The following RGS6 variants were observed in gnomAD, a reference collection of about 807,000 sequenced individuals.
RGS6 encodes regulator of G-protein signaling 6.
In RGS6, 30 loss-of-function variants were observed where a neutral mutation model predicts 78.5. The observed-to-expected ratio is 0.38, with a 90% CI of 0.29 to 0.52. The LOEUF (loss-of-function observed/expected upper bound fraction) is 0.52. Among genes scored for constraint, RGS6 ranks in the 20% least tolerant of loss-of-function variants. The pLI is 0.85. For synonymous variants in RGS6, 206 were observed against 206.0 expected, an observed-to-expected ratio of 1.00 and a Z score of 0.00; for missense variants, 495 against 609.7, an observed-to-expected ratio of 0.81 and a Z score of 1.98.
intron 16 of RGS6, among the ~76,000 whole-genome samples, chr14:72,536,785 G>T (rs1244436248): frequency 6.6e-6 from 1 of 152,068 alleles, no homozygotes; most frequent in Admixed American, 6.5e-5. Context: ...TCATCCTGGG[G>T]TTTCTCCCTC....
chr14:71,997,781 C>T (rs952968940), intron 2 of RGS6, among the ~76,000 whole-genome samples: 2 of 152,176 alleles, frequency 1.3e-5, no homozygotes, highest in Non-Finnish European at 2.9e-5. Flanking sequence ...AGCACTTTTA[C>T]ATACAATGCC....
chr14:72,601,580 GAGA>G, the RGS6 span, among the ~76,000 whole-genome samples: 3 of 152,202 alleles, frequency 2.0e-5, no homozygotes, highest in Non-Finnish European at 2.9e-5. Flanking sequence ...AGAGCTAGAG[GAGA>G]AGATTTTGAA....
intron 6 of RGS6, among the ~76,000 whole-genome samples, chr14:72,463,933 T>C (rs2095842226): frequency 6.6e-6 from 1 of 152,146 alleles, no homozygotes; most frequent in Admixed American, 6.5e-5. Flanking sequence ...AAACGACATA[T>C]GCACACCTTA....
At chr14:72,454,621 T>C in intron 4 of RGS6, 43 bp downstream of exon 4, 2 of 1,558,330 alleles carry the variant, frequency 1.3e-6, no homozygotes, top group Non-Finnish European at 1.8e-6. Context: ...CTGGTATCAG[T>C]AAACATCCCA....
At chr14:72,158,022 C>A (rs762942347) in intron 2 of RGS6, among the ~76,000 whole-genome samples, 1 of 152,110 alleles carries the variant, frequency 6.6e-6, no homozygotes, top group Non-Finnish European at 1.5e-5. Context: ...CTTTTAGTTT[C>A]TCTGAGACCT....
intron 2 of RGS6, among the ~76,000 whole-genome samples, chr14:72,228,433 T>G (rs2048683287): frequency 6.6e-6 from 1 of 152,142 alleles, no homozygotes; most frequent in Non-Finnish European, 1.5e-5. Flanking sequence ...GGTTACCATG[T>G]TAACAAATAC....
chr14:72,270,791 C>T (rs2059818417), intron 2 of RGS6, among the ~76,000 whole-genome samples: 2 of 152,282 alleles, frequency 1.3e-5, no homozygotes, highest in Middle Eastern at 3.4e-3. Flanking sequence ...TACACCTTTT[C>T]CCAAGTCCTC....
intron 2 of RGS6, among the ~76,000 whole-genome samples, chr14:72,338,452 C>T (rs1218735604): frequency 6.6e-6 from 1 of 152,146 alleles, no homozygotes; most frequent in Admixed American, 6.5e-5. Flanking sequence ...GGGGGAAACC[C>T]ATGATTCAAT....
At chr14:72,014,691 A>G (rs904274650) in intron 2 of RGS6, among the ~76,000 whole-genome samples, 2 of 152,208 alleles carry the variant, frequency 1.3e-5, no homozygotes, top group African/African-American at 4.8e-5. Flanking sequence ...TACATGCCAG[A>G]TAGGCACGTT....
chr14:72,521,124 T>C (rs1442329694), intron 15 of RGS6, among the ~76,000 whole-genome samples: 1 of 152,260 alleles, frequency 6.6e-6, no homozygotes, highest in Non-Finnish European at 1.5e-5. Flanking sequence ...ACTGATACTT[T>C]TAATTCAAAT....
At chr14:72,366,221 A>G (rs188783197) in intron 3 of RGS6, among the ~76,000 whole-genome samples, 244 of 152,284 alleles carry the variant, frequency 1.6e-3, no homozygotes, top group Non-Finnish European at 2.7e-3. Context: ...GATCAGGACA[A>G]ACTCATAGGT....
At chr14:72,138,981 C>T (rs567071177) in intron 2 of RGS6, among the ~76,000 whole-genome samples, 49 of 152,162 alleles carry the variant, frequency 3.2e-4, no homozygotes, top group South Asian at 2.1e-4. Flanking sequence ...TCACCCCCAC[C>T]GACCCACCCA....
intron 3 of RGS6, among the ~76,000 whole-genome samples, chr14:72,431,537 TTATTTTA>T (rs1566830342): frequency 6.6e-6 from 1 of 150,950 alleles, no homozygotes; most frequent in Non-Finnish European, 1.5e-5. Flanking sequence ...TTATTTTATT[TTATTTTA>T]TTTTATTTTA....
chr14:72,509,588 C>T (rs10136597), intron 13 of RGS6, among the ~76,000 whole-genome samples: 2,027 of 152,254 alleles, frequency 0.013, 41 homozygotes, highest in African/African-American at 0.046. Flanking sequence ...GTCTAGCACA[C>T]GGTAAGCACT....
intron 2 of RGS6, among the ~76,000 whole-genome samples, chr14:72,340,333 T>C (rs547500102): frequency 2.0e-4 from 31 of 152,112 alleles, no homozygotes; most frequent in Non-Finnish European, 5.9e-5. Context: ...TGGCACTATC[T>C]GGAGCAGGGA....
intron 2 of RGS6, among the ~76,000 whole-genome samples, chr14:72,136,213 C>G (rs561382965): frequency 6.6e-6 from 1 of 152,184 alleles, no homozygotes; most frequent in East Asian, 1.9e-4. Context: ...AATTTACACT[C>G]CCACTATCAC....
chr14:72,409,011 T>A (rs1423807592), intron 3 of RGS6, among the ~76,000 whole-genome samples: 4 of 152,202 alleles, frequency 2.6e-5, no homozygotes, highest in Admixed American at 2.6e-4. Context: ...ATCAAAGTTT[T>A]TAAGCCATAT....
chr14:72,340,478 G>A (rs1222733905), intron 2 of RGS6, among the ~76,000 whole-genome samples: 1 of 152,148 alleles, frequency 6.6e-6, no homozygotes, highest in Non-Finnish European at 1.5e-5. Flanking sequence ...TCAGGAGGAA[G>A]GGTAGTGGTC....
At chr14:72,077,778 C>G (rs1167832684) in intron 2 of RGS6, among the ~76,000 whole-genome samples, 1 of 152,128 alleles carries the variant, frequency 6.6e-6, no homozygotes, top group Non-Finnish European at 1.5e-5. Flanking sequence ...TGTTAAACAT[C>G]ACGTAAAGTT....
Sources: gnomAD v4.1 joint callset for allele counts (sites outside exome capture counted in the v4.1 genomes callset) on GRCh38, gnomAD v4.1.1 for gene constraint, MANE v1.5 for transcripts, NCBI Gene and HGNC (gene_info 2026-07-23, HGNC 2026-07-21) for gene names.